Variants in ICA1L observed in about 807,000 individuals in gnomAD.
ICA1L encodes islet cell autoantigen 1 like.
In ICA1L, 50 loss-of-function variants were observed where a neutral mutation model predicts 61.3. The ratio of observed to expected loss-of-function variants is 0.82; its 90% confidence interval spans 0.65 to 1.03. ICA1L has a LOEUF of 1.03. ICA1L is among the 50% of genes least tolerant of loss of function. The pLI, the probability that ICA1L is intolerant of heterozygous loss-of-function variation, is 0.00. For missense variants in ICA1L, 508 were observed against 556.7 expected (o/e 0.91, Z 0.88); for synonymous variants, 161 against 191.3 (o/e 0.84, Z 1.31).
At chr2:202,851,528 G>A (rs182718396) in intron 1 of ICA1L, among the ~76,000 whole-genome samples, 126 of 152,320 alleles carry the variant, frequency 8.3e-4, no homozygotes, top group African/African-American at 2.8e-3. Context: ...TATATACCCA[G>A]TAATGGGATG....
Position 202,774,127 on chromosome 2 carries a change from T to G in ICA1L, c.*5406A>C, listed in dbSNP as rs1692139054. ...TGATTGGATAAGCTATTCTCAACTC[T>G]TCATTAATCAATTCATTTGTTGATG... is the stretch of plus-strand genomic sequence containing the variant. On this transcript the variant is annotated 3_prime_UTR_variant, in exon 13 of 13. Coordinates refer to ENST00000358299, the MANE Select transcript of ICA1L (RefSeq NM_001288622.3). 1 of 1,359,034 alleles carries G rather than the reference T, an allele frequency of 7.4e-7. No homozygotes were observed. Among genetic ancestry groups the G allele is most frequent in the African/African-American group, 1.4e-5 (1 of 69,028 alleles). The allele number at this position is 1,359,034 out of a possible 1,614,324, so 84.2% of individuals were successfully genotyped here.
chr2:202,826,626 C>T (rs1303500217), intron 2 of ICA1L, among the ~76,000 whole-genome samples: 2 of 152,096 alleles, frequency 1.3e-5, no homozygotes, highest in African/African-American at 2.4e-5. Context: ...TGCCCATTAC[C>T]GTGCCCAGCT....
At chr2:202,799,271 C>T (rs1254875702) in intron 9 of ICA1L, among the ~76,000 whole-genome samples, 1 of 152,176 alleles carries the variant, frequency 6.6e-6, no homozygotes, top group Non-Finnish European at 1.5e-5. Context: ...TCTGCATCCT[C>T]ACCAGCATCT....
intron 1 of ICA1L, among the ~76,000 whole-genome samples, chr2:202,870,210 G>T (rs1426525111): frequency 6.6e-6 from 1 of 152,008 alleles, no homozygotes; most frequent in Non-Finnish European, 1.5e-5. Context: ...TTGATATCTG[G>T]TCCTAGTTCC....
chr2:202,871,120 A>G (rs1687696692), intron 1 of ICA1L: 1 of 152,256 alleles, frequency 6.6e-6, no homozygotes, highest in Non-Finnish European at 1.5e-5. Flanking sequence ...TCTAAGGAAG[A>G]CATTCCCATT....
intron 2 of ICA1L, among the ~76,000 whole-genome samples, chr2:202,826,392 A>G (rs1020911461): frequency 6.6e-6 from 1 of 152,212 alleles, no homozygotes; most frequent in Non-Finnish European, 1.5e-5. Context: ...GCCACACTAT[A>G]TACATGACAT....
chr2:202,852,924 C>A (rs1694670028), intron 1 of ICA1L, among the ~76,000 whole-genome samples: 1 of 151,534 alleles, frequency 6.6e-6, no homozygotes, highest in Non-Finnish European at 1.5e-5. Flanking sequence ...ACCATCTGAT[C>A]GTTGACAAAC....
intron 10 of ICA1L, among the ~76,000 whole-genome samples, chr2:202,791,472 T>C (rs1449448729): frequency 8.5e-5 from 13 of 152,212 alleles, no homozygotes; most frequent in African/African-American, 2.9e-4. Context: ...GTAAGGAAGA[T>C]ACACGAATGG....
At chr2:202,786,518 C>T (rs1032217219) in intron 11 of ICA1L, among the ~76,000 whole-genome samples, 2 of 151,720 alleles carry the variant, frequency 1.3e-5, no homozygotes, top group Non-Finnish European at 1.5e-5. Context: ...CACTGCAGTC[C>T]GCAGTCCGGC....
At chr2:202,789,161 AATTTGTTTC>A in intron 10 of ICA1L, 74 bp from the exon 11 acceptor site, 1 of 1,234,028 alleles carries the variant, frequency 8.1e-7, no homozygotes, top group South Asian at 1.3e-5. Flanking sequence ...GGATGAATCA[AATTTGTTTC>A]ATTGTTTTCA....
At chr2:202,851,595 C>T (rs1215217679) in intron 1 of ICA1L, among the ~76,000 whole-genome samples, 2 of 152,160 alleles carry the variant, frequency 1.3e-5, no homozygotes, top group African/African-American at 4.8e-5. Context: ...ACACTGTCTT[C>T]CAAAATGGTT....
intron 1 of ICA1L, among the ~76,000 whole-genome samples, chr2:202,829,754 C>T (rs1322978307): frequency 1.3e-5 from 2 of 152,052 alleles, no homozygotes; most frequent in Admixed American, 6.5e-5. Flanking sequence ...ATAAAACTTA[C>T]GATTTTGCAG....
At chr2:202,796,068 C>G (rs1043346100) in intron 10 of ICA1L, among the ~76,000 whole-genome samples, 5 of 134,796 alleles carry the variant, frequency 3.7e-5, no homozygotes, top group Non-Finnish European at 6.4e-5. Context: ...TAAAGGATAG[C>G]CTTTGGGGGA....
intron 12 of ICA1L, 71 bp downstream of exon 12, chr2:202,785,847 C>A: frequency 5.8e-6 from 5 of 863,844 alleles, no homozygotes; most frequent in South Asian, 3.3e-5. Flanking sequence ...TAAAGTGATC[C>A]TTTTCTAAAT....
chr2:202,778,909 A>G lies in ICA1L; in HGVS notation c.*624T>C, dbSNP rs1692310173. On this transcript the variant is annotated 3_prime_UTR_variant, in exon 13 of 13. Transcript: ENST00000358299. ...AATTAGGGAGTGTCCATTATTTTGT[A>G]TGAATGAAAAAACATTACATTTTAG... 1 of 152,756 alleles carries G rather than the reference A, an allele frequency of 6.5e-6. No individual in the cohort carries two copies. The highest frequency in any genetic ancestry group is 2.4e-5 in the African/African-American group (1 of 41,578). 9.5% of individuals were successfully genotyped at this position (152,756 alleles called of 1,614,324 possible).
chr2:202,792,041 G>A (rs972300881), intron 10 of ICA1L, among the ~76,000 whole-genome samples: 14 of 152,026 alleles, frequency 9.2e-5, no homozygotes, highest in Non-Finnish European at 1.0e-4. Context: ...AGTGGCACAT[G>A]CCTCTAATCC....
intron 1 of ICA1L, among the ~76,000 whole-genome samples, chr2:202,868,746 C>A (rs1402374821): frequency 1.3e-5 from 2 of 151,850 alleles, no homozygotes; most frequent in Admixed American, 6.6e-5. Flanking sequence ...GCTGGTGGAT[C>A]ACCTGAGGTC....
In ICA1L at chr2:202,828,988, TG is replaced by T. The variant is rs772302467; in HGVS notation, c.21del (p.Arg8AspfsTer8). On this transcript the variant is annotated frameshift_variant, in exon 2 of 13. Coordinates refer to ENST00000358299, the MANE Select transcript of ICA1L (RefSeq NM_001288622.3). LOFTEE classifies it high-confidence loss of function. MDSFGQPRPEDNQSVVR... is the reference protein window; with the variant it reads MDSFGQXRPEDNQSVVR... ...ACTACTGACTGATTATCTTCTGGTCTGGGTTGCCCAAAGGAATCCATGGAGT... is the reference window on the plus strand; with the variant it reads ...ACTACTGACTGATTATCTTCTGGTCTGGTTGCCCAAAGGAATCCATGGAGT... 3 of 1,589,054 alleles carry T rather than the reference TG, an allele frequency of 1.9e-6. No individual in the cohort carries two copies. Among genetic ancestry groups the T allele is most frequent in the Non-Finnish European group, 1.7e-6 (2 of 1,170,542 alleles).
chr2:202,816,761 TAC>T (rs1489095984), intron 6 of ICA1L, among the ~76,000 whole-genome samples: 2 of 152,346 alleles, frequency 1.3e-5, no homozygotes, highest in African/African-American at 4.8e-5. Flanking sequence ...CTTATGTAAG[TAC>T]AGTTTATTCA....
Sources: gnomAD v4.1 joint callset for allele counts (sites outside exome capture counted in the v4.1 genomes callset) on GRCh38, gnomAD v4.1.1 for gene constraint, MANE v1.5 for transcripts, NCBI Gene and HGNC (gene_info 2026-07-23, HGNC 2026-07-21) for gene names.